TRIO: variants seen among roughly 807,000 people sequenced by gnomAD.
TRIO encodes trio Rho guanine nucleotide exchange factor, also known as triple functional domain protein.
Under a neutral mutation model 351.9 loss-of-function variants are expected in TRIO, and 58 were observed. The observed-to-expected ratio is 0.16, with a 90% confidence interval of 0.13 to 0.21. The LOEUF is 0.21. TRIO is among the 10% of genes least tolerant of loss of function. TRIO has a pLI of 1.00. For synonymous variants in TRIO, 1,758 were observed against 1,595.7 expected (o/e 1.10, Z -2.42); for missense variants, 3,201 against 4,027.8 (o/e 0.79, Z 5.56).
At chr5:14,491,443 C>T (rs748896930) in intron 48 of TRIO, among the ~76,000 whole-genome samples, 3 of 152,176 alleles carry the variant, frequency 2.0e-5, no homozygotes, top group Non-Finnish European at 2.9e-5. Context: ...TTCACGGGAA[C>T]GAGGCACCAG....
intron 1 of TRIO, among the ~76,000 whole-genome samples, chr5:14,260,487 G>A (rs191278989): frequency 4.9e-4 from 75 of 152,292 alleles, no homozygotes; most frequent in African/African-American, 1.6e-3. Flanking sequence ...AATGCCAAGC[G>A]ATTAAACACA....
intron 1 of TRIO, among the ~76,000 whole-genome samples, chr5:14,251,143 G>A (rs1026371536): frequency 2.6e-5 from 4 of 152,148 alleles, no homozygotes; most frequent in Non-Finnish European, 5.9e-5. Context: ...GGCTTTCTTG[G>A]GGTTGGTATT....
chr5:14,441,547 C>T (rs370630780), intron 34 of TRIO, among the ~76,000 whole-genome samples: 65 of 152,250 alleles, frequency 4.3e-4, no homozygotes, highest in African/African-American at 1.5e-3. Context: ...ATGGGGGGGC[C>T]ACTGGGAATG....
intron 34 of TRIO, among the ~76,000 whole-genome samples, chr5:14,454,507 C>G (rs1447469008): frequency 6.6e-6 from 1 of 152,214 alleles, no homozygotes; most frequent in African/African-American, 2.4e-5. Context: ...ACCAGTAACT[C>G]AGGACATCAC....
At chr5:14,389,231 C>A in intron 24 of TRIO, 58 bp from the exon 25 acceptor site, 1 of 1,304,508 alleles carries the variant, frequency 7.7e-7, no homozygotes, top group Non-Finnish European at 1.1e-6. Flanking sequence ...TCAGAAACAG[C>A]TGTTTCTTGA....
In TRIO at chr5:14,347,780, G is replaced by C. The variant is rs557624593; in HGVS notation, c.2047-10398G>C. Among the ~76,000 whole-genome samples the C allele has an allele frequency of 1.9e-4, 29 of 152,326 alleles. No homozygotes were observed. In the East Asian group the frequency reaches 5.6e-3, roughly 29 times the overall value. ...GTGTCTGTTCTCATGCAGAAAGCCT[G>C]TGAGTGGTTGAATTGGTTTGGAAGG... On this transcript the variant is annotated intron_variant, in intron 11 of 56. Transcript: ENST00000344204.
chr5:14,174,837 T>C (rs163997), intron 1 of TRIO, among the ~76,000 whole-genome samples: 71 of 152,338 alleles, frequency 4.7e-4, no homozygotes, highest in Middle Eastern at 3.4e-3. Flanking sequence ...AATTCAGTAT[T>C]TCTTTCAATT....
rs16903390 is a variant in TRIO, at chr5:14,317,546, C to G, written c.1731+803C>G. Among the ~76,000 whole-genome samples, 957 of 152,260 alleles carry G rather than the reference C, an allele frequency of 6.3e-3. 12 individuals carry two copies. The highest frequency in any genetic ancestry group is 0.022 in the African/African-American group (926 of 41,536). On this transcript the variant is annotated intron_variant, in intron 9 of 56. Transcript: ENST00000344204. ...TCTCAGGATCTCAGGTTTCCATCTC[C>G]CTGAGTGTCATGTGAAGGTGAGTGA...
At chr5:14,377,861 T>A (rs775443788) in intron 19 of TRIO, 151 bp from the exon 20 acceptor site, 9 of 612,114 alleles carry the variant, frequency 1.5e-5, no homozygotes, top group Non-Finnish European at 2.6e-5. Flanking sequence ...GTAGACATGC[T>A]CACTGAGACA....
chr5:14,275,888 ATATATATG>A (rs1475662604), intron 2 of TRIO, among the ~76,000 whole-genome samples: 4 of 140,782 alleles, frequency 2.8e-5, no homozygotes, highest in African/African-American at 1.0e-4. Context: ...ATATATGTTT[ATATATATG>A]TGTTTATATA....
intron 1 of TRIO, among the ~76,000 whole-genome samples, chr5:14,252,793 C>T (rs913300648): frequency 6.6e-6 from 1 of 151,340 alleles, no homozygotes; most frequent in Non-Finnish European, 1.5e-5. Context: ...GAGAGAGGGA[C>T]GAGGTTGTGC....
At chr5:14,350,709 T>C (rs1743003618) in intron 11 of TRIO, among the ~76,000 whole-genome samples, 1 of 152,192 alleles carries the variant, frequency 6.6e-6, no homozygotes. Flanking sequence ...GTAATACATT[T>C]GCATGGATAA....
At chr5:14,424,035 C>G (rs1338672224) in intron 34 of TRIO, among the ~76,000 whole-genome samples, 1 of 150,804 alleles carries the variant, frequency 6.6e-6, no homozygotes, top group African/African-American at 2.5e-5. Context: ...AGAGTGAGAC[C>G]TCATCTCTAA....
At chr5:14,320,394 C>A (rs968058735) in intron 9 of TRIO, among the ~76,000 whole-genome samples, 1 of 152,114 alleles carries the variant, frequency 6.6e-6, no homozygotes, top group Admixed American at 6.5e-5. Flanking sequence ...TTCAGTTACT[C>A]TAGCATGTCA....
chr5:14,275,009 C>T (rs74315669), intron 2 of TRIO, among the ~76,000 whole-genome samples: 11,911 of 152,152 alleles, frequency 0.078, 531 homozygotes, highest in African/African-American at 0.082. Context: ...GGTGGGTTGT[C>T]GTTTTTGTGT....
chr5:14,320,360 G>A (rs763183029), intron 9 of TRIO, among the ~76,000 whole-genome samples: 27 of 152,254 alleles, frequency 1.8e-4, no homozygotes, highest in Non-Finnish European at 3.5e-4. Flanking sequence ...TTCGGCTGGC[G>A]TGGCTCTTCT....
chr5:14,465,421 C>T, intron 36 of TRIO, 124 bp from the exon 37 acceptor site: 1 of 852,800 alleles, frequency 1.2e-6, no homozygotes, highest in Non-Finnish European at 1.9e-6. Context: ...CAAAGACAAA[C>T]TTGTGGTCTT....
At chr5:14,426,340 T>C (rs1750640532) in intron 34 of TRIO, among the ~76,000 whole-genome samples, 1 of 152,210 alleles carries the variant, frequency 6.6e-6, no homozygotes, top group African/African-American at 2.4e-5. Flanking sequence ...AGTCCCCGTC[T>C]CATTTCATCA....
At chr5:14,176,212 C>T (rs1789393134) in intron 1 of TRIO, among the ~76,000 whole-genome samples, 1 of 152,144 alleles carries the variant, frequency 6.6e-6, no homozygotes, top group Non-Finnish European at 1.5e-5. Context: ...TGGCTCACAC[C>T]TGTAATCCCA....
Sources: gnomAD v4.1 joint callset for allele counts (sites outside exome capture counted in the v4.1 genomes callset) on GRCh38, gnomAD v4.1.1 for gene constraint, MANE v1.5 for transcripts, NCBI Gene and HGNC (gene_info 2026-07-23, HGNC 2026-07-21) for gene names.